The following SIPA1L3 variants were observed in gnomAD, a reference collection of about 807,000 sequenced individuals.
SIPA1L3 encodes signal-induced proliferation-associated 1-like protein 3.
A neutral mutation model predicts 150.1 loss-of-function variants in SIPA1L3; 59 were observed. The observed-to-expected ratio is 0.39, with a 90% confidence interval of 0.32 to 0.49. The LOEUF (loss-of-function observed/expected upper bound fraction) is 0.49, where lower values mean the gene tolerates loss of function less well. Among genes scored for constraint, SIPA1L3 ranks in the 20% least tolerant of loss-of-function variants. The pLI is 0.86. For synonymous variants in SIPA1L3, 1,070 were observed against 1,077.6 expected, an observed-to-expected ratio of 0.99 and a Z score of 0.14; for missense variants, 2,211 against 2,489.5, an observed-to-expected ratio of 0.89 and a Z score of 2.38.
intron 7 of SIPA1L3, 61 bp from the exon 8 acceptor site, chr19:38,110,166 G>T: frequency 6.4e-7 from 1 of 1,560,992 alleles, no homozygotes; most frequent in Non-Finnish European, 8.8e-7. Context: ...CAGTGGTCCA[G>T]GCAGGACCCG....
intron 2 of SIPA1L3, among the ~76,000 whole-genome samples, chr19:38,030,944 C>T (rs1414386662): frequency 2.0e-5 from 3 of 151,948 alleles, no homozygotes; most frequent in Non-Finnish European, 2.9e-5. Flanking sequence ...TGCAGGTAGC[C>T]GTGTCGGCCA....
intron 2 of SIPA1L3, among the ~76,000 whole-genome samples, chr19:38,070,044 G>T (rs994337515): frequency 4.0e-5 from 6 of 151,818 alleles, no homozygotes; most frequent in Non-Finnish European, 5.9e-5. Flanking sequence ...CCAGTCCCCC[G>T]AGCATCCCCA....
At chr19:37,936,294 G>T (rs1443659928) in intron 1 of SIPA1L3, among the ~76,000 whole-genome samples, 1 of 152,216 alleles carries the variant, frequency 6.6e-6, no homozygotes, top group Non-Finnish European at 1.5e-5. Context: ...GAGTGGACAT[G>T]TTGGGCATTC....
Position 38,099,929 on chromosome 19 carries a change from GC to G in SIPA1L3, c.1666-28del, listed in dbSNP as rs766517219. ...TCTTATCCCTTTTTAGGTCTCGAGA[GC>G]CCCCTAACCTTCCCTTCTCTCCCTT... On this transcript the variant is annotated intron_variant, in intron 4 of 21. Transcript: ENST00000222345. 6 of 1,538,020 alleles carry G rather than the reference GC, an allele frequency of 3.9e-6. No homozygotes were observed. The African/African-American group carries it at 8.5e-5, about 22-fold the overall frequency.
At chr19:37,914,804 C>T (rs1353418676) in intron 1 of SIPA1L3, among the ~76,000 whole-genome samples, 1 of 152,162 alleles carries the variant, frequency 6.6e-6, no homozygotes, top group South Asian at 2.1e-4. Flanking sequence ...CATACCTGGC[C>T]TACTTTTTTA....
chr19:38,022,540 A>G (rs1296780420), intron 1 of SIPA1L3, among the ~76,000 whole-genome samples: 1 of 150,458 alleles, frequency 6.6e-6, no homozygotes, highest in Admixed American at 6.6e-5. Flanking sequence ...TCTACTAAAA[A>G]TACACAGACA....
chr19:38,134,268 G>T (rs1435215199), intron 10 of SIPA1L3, among the ~76,000 whole-genome samples: 1 of 151,346 alleles, frequency 6.6e-6, no homozygotes, highest in African/African-American at 2.4e-5. Flanking sequence ...ACAGGCATGA[G>T]CCACTGCACC....
rs1969098961 is a variant in SIPA1L3 at position 38,047,973 on chromosome 19, A to G, written c.-311+18817A>G. Among the ~76,000 whole-genome samples, 1 of 152,174 alleles carries G rather than the reference A, an allele frequency of 6.6e-6. No individual in the cohort carries two copies. The highest frequency in any genetic ancestry group is 1.5e-5 in the Non-Finnish European group (1 of 68,034). Reference sequence around the variant, plus strand: ...CTGTGGTAAAGGATGTGAGGGAAACAGTGACCCACTGCAGAGGGTTTCCTG... The same window carrying G: ...CTGTGGTAAAGGATGTGAGGGAAACGGTGACCCACTGCAGAGGGTTTCCTG... On this transcript the variant is annotated intron_variant, in intron 2 of 21. Transcript: ENST00000222345. The surrounding 1 kb of genome is among the most constrained non-coding windows in gnomAD (Gnocchi z 4.7).
chr19:37,940,280 T>C (rs2046641610), intron 1 of SIPA1L3, among the ~76,000 whole-genome samples: 1 of 148,896 alleles, frequency 6.7e-6, no homozygotes, highest in Non-Finnish European at 1.5e-5. Context: ...AAAAAAACCC[T>C]GCCTAAAAAC....
chr19:37,968,812 G>A (rs1027987990), intron 1 of SIPA1L3, among the ~76,000 whole-genome samples: 2 of 152,202 alleles, frequency 1.3e-5, no homozygotes, highest in Non-Finnish European at 1.5e-5. Context: ...GGAACTTTCT[G>A]CAGAAATTCT....
intron 1 of SIPA1L3, among the ~76,000 whole-genome samples, chr19:37,927,808 G>C (rs988625083): frequency 2.6e-5 from 4 of 152,014 alleles, no homozygotes; most frequent in African/African-American, 4.8e-5. Context: ...TTGGTTTTCT[G>C]TTTGTGCATT....
chr19:37,975,831 G>T lies in SIPA1L3; in HGVS notation c.-378-53258G>T, dbSNP rs1308316863. 3.3e-5 allele frequency among the ~76,000 whole-genome samples: 5 copies of T among 152,226 alleles called. No individual in the cohort carries two copies. In the East Asian group the frequency reaches 9.7e-4, roughly 29 times the overall value. ...TTCAGAAATGGGGGGTTGGCCGGGC[G>T]CAGTGGCTCACGCCTGTAATCCCAG... On this transcript the variant is annotated intron_variant, in intron 1 of 21. Transcript: ENST00000222345.
chr19:38,070,248 C>T (rs1287275133), intron 2 of SIPA1L3, among the ~76,000 whole-genome samples: 2 of 139,750 alleles, frequency 1.4e-5, no homozygotes, highest in Non-Finnish European at 3.1e-5. Flanking sequence ...CTTGCTCTGT[C>T]ACCCAGGCTG....
chr19:38,026,867 G>A (rs1404829338), intron 1 of SIPA1L3, among the ~76,000 whole-genome samples: 1 of 152,186 alleles, frequency 6.6e-6, no homozygotes, highest in African/African-American at 2.4e-5. Flanking sequence ...CTGTGACTTT[G>A]TCACTACTAG....
intron 2 of SIPA1L3, among the ~76,000 whole-genome samples, chr19:38,062,957 G>A (rs532974389): frequency 2.6e-5 from 4 of 152,196 alleles, no homozygotes; most frequent in Admixed American, 1.3e-4. Context: ...GAGTTGTCAC[G>A]AGGGCAGACT....
intron 7 of SIPA1L3, 73 bp downstream of exon 7, chr19:38,106,713 C>A: frequency 2.9e-6 from 3 of 1,017,492 alleles, no homozygotes; most frequent in South Asian, 1.3e-5. Context: ...CCTCCCAGTT[C>A]TGTCCTGTGG....
chr19:38,052,969 C>A (rs1322961951), intron 2 of SIPA1L3, among the ~76,000 whole-genome samples: 2 of 152,236 alleles, frequency 1.3e-5, no homozygotes, highest in African/African-American at 4.8e-5. Context: ...TCTCAGGGAG[C>A]CCCCTGCATG....
intron 1 of SIPA1L3, among the ~76,000 whole-genome samples, chr19:38,023,662 G>A (rs770647220): frequency 3.3e-5 from 5 of 152,310 alleles, no homozygotes; most frequent in East Asian, 3.9e-4. Context: ...ATGCTCTGGC[G>A]GTCTAGAAAG....
intron 1 of SIPA1L3, among the ~76,000 whole-genome samples, chr19:37,943,112 G>A (rs559960366): frequency 6.9e-6 from 1 of 144,720 alleles, no homozygotes; most frequent in African/African-American, 2.6e-5. Flanking sequence ...GGCACCAGGT[G>A]ATCCTCCTGC....
Sources: allele counts gnomAD v4.1 joint callset (sites outside exome capture counted in the v4.1 genomes callset), GRCh38; gene constraint gnomAD v4.1.1; non-coding constraint Gnocchi (gnomAD v3.1); transcripts MANE v1.5; gene names NCBI Gene and HGNC (gene_info 2026-07-23, HGNC 2026-07-21).